SLC24A2: variants seen among roughly 807,000 people sequenced by gnomAD.
The protein encoded by SLC24A2 is sodium/potassium/calcium exchanger 2.
A neutral mutation model predicts 62.0 loss-of-function variants in SLC24A2; 36 were observed. That is an observed-to-expected ratio of 0.58 (90% CI 0.44 to 0.77). The LOEUF (loss-of-function observed/expected upper bound fraction) is 0.77, where lower values mean the gene tolerates loss of function less well. Among genes scored for constraint, SLC24A2 ranks in the 30% least tolerant of loss-of-function variants. The pLI is 0.00. For missense variants in SLC24A2, 846 were observed against 817.9 expected, an observed-to-expected ratio of 1.03 and a Z score of -0.42; for synonymous variants, 358 against 294.0, an observed-to-expected ratio of 1.22 and a Z score of -2.23.
chr9:20,150,203 T>TG, the SLC24A2 span, among the ~76,000 whole-genome samples: 1 of 151,976 alleles, frequency 6.6e-6, no homozygotes, highest in African/African-American at 2.4e-5. Flanking sequence ...ACTGAAATTT[T>TG]GGGGTGATTT....
chr9:19,890,038 T>TTAG, the SLC24A2 span, among the ~76,000 whole-genome samples: 1 of 152,200 alleles, frequency 6.6e-6, no homozygotes, highest in Non-Finnish European at 1.5e-5. Context: ...TCTTACTTAG[T>TTAG]TTAGAGTTTA....
rs997946929 is a variant in SLC24A2, at chr9:19,517,943, A to T, written c.1737-1541T>A. 1.4e-3 allele frequency among the ~76,000 whole-genome samples: 202 copies of T among 148,562 alleles called. 3 individuals are homozygous for T. The highest frequency in any genetic ancestry group is 1.2e-3 in the Admixed American group (17 of 14,630). On this transcript the variant is annotated intron_variant, in intron 10 of 10. Transcript: ENST00000341998. ...CACACACACACACACACACACACACACACACACACACACACTCTCACACTT... is the reference window on the plus strand; with the variant it reads ...CACACACACACACACACACACACACTCACACACACACACACTCTCACACTT...
chr9:19,782,660 A>G (rs1254813497), intron 2 of SLC24A2, among the ~76,000 whole-genome samples: 1 of 152,214 alleles, frequency 6.6e-6, no homozygotes, highest in Non-Finnish European at 1.5e-5. Flanking sequence ...AAAATAATTT[A>G]TTCCAACTCA....
intron 2 of SLC24A2, among the ~76,000 whole-genome samples, chr9:19,661,044 G>C (rs1198923081): frequency 1.3e-5 from 2 of 152,200 alleles, no homozygotes; most frequent in Non-Finnish European, 1.5e-5. Context: ...GCTGCTACAA[G>C]AGCTAGTGTT....
At chr9:19,652,631 C>A (rs1818834277) in intron 2 of SLC24A2, among the ~76,000 whole-genome samples, 1 of 152,122 alleles carries the variant, frequency 6.6e-6, no homozygotes, top group African/African-American at 2.4e-5. Flanking sequence ...CAACCAACAT[C>A]TTGATTTTAG....
chr9:19,935,041 A>ATTTAT, the SLC24A2 span, among the ~76,000 whole-genome samples: 1,295 of 151,300 alleles, frequency 8.6e-3, 12 homozygotes, highest in East Asian at 0.059. Flanking sequence ...TATTTTATTT[A>ATTTAT]TTTATTTTAT....
chr9:20,243,984 T>C, the SLC24A2 span, among the ~76,000 whole-genome samples: 1 of 152,126 alleles, frequency 6.6e-6, no homozygotes, highest in African/African-American at 2.4e-5. Flanking sequence ...CGGAGATTTC[T>C]AAACTCAAAC....
the SLC24A2 span, among the ~76,000 whole-genome samples, chr9:20,000,399 C>G: frequency 2.6e-5 from 4 of 152,150 alleles, no homozygotes; most frequent in African/African-American, 9.7e-5. Context: ...CTATAATCAT[C>G]AGAGGGTGAA....
chr9:20,021,891 G>A, the SLC24A2 span, among the ~76,000 whole-genome samples: 1 of 152,132 alleles, frequency 6.6e-6, no homozygotes, highest in Admixed American at 6.6e-5. Flanking sequence ...CAGCTCTTCA[G>A]TTTCTGCTGA....
At chr9:20,053,061 A>C in the SLC24A2 span, among the ~76,000 whole-genome samples, 1 of 152,210 alleles carries the variant, frequency 6.6e-6, no homozygotes, top group African/African-American at 2.4e-5. Flanking sequence ...ACTGACTGAG[A>C]TATGACAAAT....
chr9:19,922,666 C>A, the SLC24A2 span, among the ~76,000 whole-genome samples: 1 of 152,104 alleles, frequency 6.6e-6, no homozygotes, highest in Non-Finnish European at 1.5e-5. Flanking sequence ...TAAATCACAG[C>A]CCATCACACA....
At chr9:20,110,024 A>AT in the SLC24A2 span, among the ~76,000 whole-genome samples, 7 of 152,162 alleles carry the variant, frequency 4.6e-5, no homozygotes, top group Admixed American at 3.9e-4. Context: ...TACAGGGTTA[A>AT]TTTTTTATCA....
At chr9:19,576,894 G>A (rs769511422) in intron 6 of SLC24A2, 30 bp downstream of exon 6, 1 of 1,531,772 alleles carries the variant, frequency 6.5e-7, no homozygotes, top group South Asian at 1.1e-5. Flanking sequence ...CCCCAGGAAA[G>A]GTATGGGGTG....
the SLC24A2 span, among the ~76,000 whole-genome samples, chr9:20,186,320 T>C: frequency 2.0e-5 from 3 of 152,334 alleles, no homozygotes; most frequent in East Asian, 5.8e-4. Flanking sequence ...TGCTTATCTC[T>C]GAACACTTAT....
the SLC24A2 span, among the ~76,000 whole-genome samples, chr9:19,814,659 G>A: frequency 6.6e-6 from 1 of 152,056 alleles, no homozygotes; most frequent in African/African-American, 2.4e-5. Flanking sequence ...GTCTTTTTTG[G>A]CTCACTTTGC....
At chr9:19,571,526 A>G (rs778955611) in intron 7 of SLC24A2, among the ~76,000 whole-genome samples, 1 of 152,058 alleles carries the variant, frequency 6.6e-6, no homozygotes, top group Non-Finnish European at 1.5e-5. Context: ...TTCAAACTTT[A>G]GGGTAGTGCT....
intron 2 of SLC24A2, among the ~76,000 whole-genome samples, chr9:19,649,036 T>C (rs1045689774): frequency 3.5e-5 from 5 of 144,644 alleles, no homozygotes; most frequent in Non-Finnish European, 7.5e-5. Context: ...ACCCAGTAAT[T>C]CTTTGGAAAA....
chr9:19,557,367 C>CT (rs1835146666), intron 7 of SLC24A2, among the ~76,000 whole-genome samples: 2 of 152,202 alleles, frequency 1.3e-5, no homozygotes, highest in Non-Finnish European at 1.5e-5. Context: ...CTTGGAAGGC[C>CT]TGGGGGTGTT....
the SLC24A2 span, among the ~76,000 whole-genome samples, chr9:20,003,461 A>C: frequency 6.6e-5 from 10 of 152,208 alleles, no homozygotes; most frequent in African/African-American, 2.4e-4. Context: ...TTGGTACAGT[A>C]GTCCTACTTT....
Sources: gnomAD v4.1 joint callset for allele counts (sites outside exome capture counted in the v4.1 genomes callset) on GRCh38, gnomAD v4.1.1 for gene constraint, MANE v1.5 for transcripts, NCBI Gene and HGNC (gene_info 2026-07-23, HGNC 2026-07-21) for gene names.